DNAJC13: variants seen among roughly 807,000 people sequenced by gnomAD.
DNAJC13 encodes the protein dnaJ homolog subfamily C member 13.
DNAJC13 carries 75 observed loss-of-function variants against 290.5 expected under a neutral mutation model. The observed-to-expected ratio is 0.26, with a 90% CI of 0.21 to 0.31. The LOEUF is 0.31. Among genes scored for constraint, DNAJC13 ranks in the 10% least tolerant of loss-of-function variants. DNAJC13 has a pLI of 1.00. For synonymous variants in DNAJC13, 862 were observed against 892.0 expected, an observed-to-expected ratio of 0.97 and a Z score of 0.60; for missense variants, 2,260 against 2,674.5, an observed-to-expected ratio of 0.85 and a Z score of 3.42.
chr3:132,482,822 G>A (rs1934721842), intron 27 of DNAJC13, among the ~76,000 whole-genome samples: 1 of 151,402 alleles, frequency 6.6e-6, no homozygotes, highest in Non-Finnish European at 1.5e-5. Flanking sequence ...TCACACCACT[G>A]CAATCCAGCC....
chr3:132,433,587 T>C (rs1480148592), intron 1 of DNAJC13, among the ~76,000 whole-genome samples: 2 of 152,202 alleles, frequency 1.3e-5, no homozygotes, highest in Admixed American at 6.5e-5. Flanking sequence ...AAAATTATTT[T>C]TAAATTGCCT....
Position 132,480,428 on chromosome 3 carries a change from C to T in DNAJC13, c.2832C>T (p.Thr944=), listed in dbSNP as rs754007434. ...TAAGAATCCTTGTGGACTTGCTTAC[C>T]CTTGCACATCTCCATGTAAGCCGAG... ...NGIRILVDLL[T]LAHLHVSRAT... The change falls in exon 26 of 56, where the codon ACC becomes ACT. Residue 944 remains threonine (T), a synonymous_variant. Coordinates refer to ENST00000260818, the MANE Select transcript of DNAJC13 (RefSeq NM_015268.4). 1.2e-6 allele frequency: 2 copies of T among 1,613,446 alleles called. No individual in the cohort carries two copies. Among genetic ancestry groups the T allele is most frequent in the South Asian group, 2.2e-5 (2 of 91,030 alleles).
rs1298148684 is a variant in DNAJC13 at position 132,516,803 on chromosome 3, T to G, written c.5660T>G (p.Leu1887Arg). 6.2e-7 allele frequency: 1 copy of G among 1,612,768 alleles called. No homozygotes were observed. The highest frequency in any genetic ancestry group is 8.5e-7 in the Non-Finnish European group (1 of 1,179,158). Reference protein sequence around the residue: ...ELFAKMTADKLIGPKVRITLM... With the variant: ...ELFAKMTADKRIGPKVRITLM... Reference sequence around the variant, plus strand: ...TTTGCCAAAATGACAGCAGATAAACTGATAGGTCCAAAGGTAGGCACAAAA... The same window carrying G: ...TTTGCCAAAATGACAGCAGATAAACGGATAGGTCCAAAGGTAGGCACAAAA... Residue 1887 changes from leucine to arginine, a missense_variant, in exon 48 of 56, where the codon CTG (leucine) becomes CGG (arginine). Physicochemically the swap from Leu to Arg is moderately radical, Grantham distance 102. Around this residue, in one of 3 missense-constraint regions of DNAJC13, gnomAD observed 1,494 missense variants for 1,693.7 expected, o/e 0.88. Transcript: ENST00000260818.
intron 5 of DNAJC13, among the ~76,000 whole-genome samples, chr3:132,449,185 C>T (rs145140628): frequency 5.8e-4 from 88 of 152,190 alleles, no homozygotes; most frequent in Admixed American, 1.6e-3. Flanking sequence ...GCTGGCTAAA[C>T]GGCACTCTTC....
chr3:132,419,878 A>G (rs774644940), intron 1 of DNAJC13, among the ~76,000 whole-genome samples: 69 of 152,330 alleles, frequency 4.5e-4, no homozygotes, highest in Middle Eastern at 3.4e-3. Context: ...TTTTATAAAA[A>G]ATAATTAGTA....
intron 51 of DNAJC13, among the ~76,000 whole-genome samples, chr3:132,524,577 A>G (rs1252790620): frequency 6.6e-6 from 1 of 152,256 alleles, no homozygotes; most frequent in African/African-American, 2.4e-5. Flanking sequence ...GAAATTAGTT[A>G]CTATCATTAG....
At chr3:132,432,828 A>G (rs1348426689) in intron 1 of DNAJC13, among the ~76,000 whole-genome samples, 2 of 152,200 alleles carry the variant, frequency 1.3e-5, no homozygotes, top group Non-Finnish European at 2.9e-5. Flanking sequence ...CAGATTCAAC[A>G]ATCTTGATCT....
chr3:132,522,440 C>A (rs73217912), intron 48 of DNAJC13, among the ~76,000 whole-genome samples: 289 of 152,158 alleles, frequency 1.9e-3, no homozygotes, highest in Non-Finnish European at 3.6e-3. Context: ...TGGGCAGGGG[C>A]TATAAAAGAG....
rs371146635 is a variant in DNAJC13, at chr3:132,499,317, C to T, written c.4341+7C>T. 33 of 1,574,330 alleles carry T rather than the reference C, an allele frequency of 2.1e-5. No homozygotes were observed. The highest frequency in any genetic ancestry group is 1.1e-4 in the East Asian group (5 of 44,128). Reference sequence around the variant, plus strand: ...AAGAGAGAATGGACTAGAGGTAATACGGAGTGACCTTTGTGCTTTTTAAGC... The same window carrying T: ...AAGAGAGAATGGACTAGAGGTAATATGGAGTGACCTTTGTGCTTTTTAAGC... On this transcript the variant is annotated splice_region_variant and intron_variant, in intron 37 of 55. Coordinates refer to ENST00000260818, the MANE Select transcript of DNAJC13 (RefSeq NM_015268.4).
chr3:132,474,504 T>G (rs1481715186), intron 21 of DNAJC13: 1 of 152,482 alleles, frequency 6.6e-6, no homozygotes, highest in Non-Finnish European at 1.5e-5. Flanking sequence ...CCTCCCAAAG[T>G]GCTGAGATTA....
At chr3:132,507,002 T>C (rs548879536) in intron 42 of DNAJC13, among the ~76,000 whole-genome samples, 1 of 152,348 alleles carries the variant, frequency 6.6e-6, no homozygotes, top group Non-Finnish European at 1.5e-5. Context: ...CTTTGTTAGC[T>C]GACCTCTGAT....
rs181058582 is a variant in DNAJC13, at chr3:132,528,231, G to A, written c.6424G>A (p.Glu2142Lys). The A allele has an allele frequency of 4.6e-5, 74 of 1,614,080 alleles. No homozygotes were observed. Among genetic ancestry groups the A allele is most frequent in the Middle Eastern group, 1.6e-4 (1 of 6,062 alleles). ...DLVPYLLKLL[E>K]GIGLENLDSP... Reference sequence around the variant, plus strand: ...GGTTCCATACCTCTTAAAATTACTCGAAGGCATTGGCCTTGAAAACCTGGA... The same window carrying A: ...GGTTCCATACCTCTTAAAATTACTCAAAGGCATTGGCCTTGAAAACCTGGA... The change falls in exon 54 of 56, where the codon GAA becomes AAA. Residue 2142 changes from glutamate (E) to lysine (K), a missense_variant. Glu to Lys is a moderately conservative substitution (Grantham distance 56). Transcript: ENST00000260818.
At chr3:132,519,043 G>A (rs1243536590) in intron 48 of DNAJC13, among the ~76,000 whole-genome samples, 1 of 152,112 alleles carries the variant, frequency 6.6e-6, no homozygotes, top group African/African-American at 2.4e-5. Context: ...CTGTGTTTTG[G>A]TATCCATTTA....
At chr3:132,471,633 A>G (rs1257840143) in intron 20 of DNAJC13, among the ~76,000 whole-genome samples, 9 of 128,668 alleles carry the variant, frequency 7.0e-5, no homozygotes, top group Non-Finnish European at 1.3e-4. Flanking sequence ...GGCGCTCCCC[A>G]CATCTCAGAC....
rs1337464652 is a variant in DNAJC13, at chr3:132,523,230, T to C, written c.5886+31T>C. The C allele has an allele frequency of 3.1e-6, 5 of 1,610,650 alleles. No individual in the cohort carries two copies. The Admixed American group carries it at 8.3e-5, about 27-fold the overall frequency. On this transcript the variant is annotated intron_variant, in intron 50 of 55. Coordinates refer to ENST00000260818, the MANE Select transcript of DNAJC13 (RefSeq NM_015268.4). ...ATATACTTTTATTTTACATCTTATT[T>C]TCTGTTGATTTAGTTGTTTTCACTT...
intron 45 of DNAJC13, among the ~76,000 whole-genome samples, chr3:132,513,691 T>C (rs1040601368): frequency 3.3e-5 from 5 of 152,132 alleles, no homozygotes; most frequent in Non-Finnish European, 7.4e-5. Context: ...GGAGTCCCCT[T>C]GTTCAGGATA....
chr3:132,506,485 G>A (rs1935594413), intron 42 of DNAJC13, among the ~76,000 whole-genome samples: 1 of 149,928 alleles, frequency 6.7e-6, no homozygotes, highest in Admixed American at 6.6e-5. Flanking sequence ...AATCTTCATG[G>A]GACTGTTTTT....
At chr3:132,531,658 G>C (rs546140696) in intron 55 of DNAJC13, among the ~76,000 whole-genome samples, 1 of 152,154 alleles carries the variant, frequency 6.6e-6, no homozygotes, top group East Asian at 1.9e-4. Flanking sequence ...TTAGCCAGGC[G>C]TGGTGGCGGG....
intron 41 of DNAJC13, 73 bp downstream of exon 41, chr3:132,503,454 A>G: frequency 6.6e-7 from 1 of 1,523,856 alleles, no homozygotes; most frequent in South Asian, 1.2e-5. Flanking sequence ...TAGTACAATA[A>G]TATTGATCTA....
Sources: allele counts gnomAD v4.1 joint callset (sites outside exome capture counted in the v4.1 genomes callset), GRCh38; gene constraint gnomAD v4.1.1; regional missense constraint gnomAD v4.1.1; transcripts MANE v1.5; gene names NCBI Gene and HGNC (gene_info 2026-07-23, HGNC 2026-07-21).